Variants in UNC80 observed in about 807,000 individuals in gnomAD.
UNC80 encodes the protein unc-80 subunit of NALCN channel complex, also known as protein unc-80 homolog.
UNC80 carries 164 observed loss-of-function variants against 384.6 expected under a neutral mutation model. That is an observed-to-expected ratio of 0.43 (90% CI 0.38 to 0.49). The LOEUF is 0.49. UNC80 is among the 20% of genes least tolerant of loss of function. UNC80 has a pLI of 0.00. For missense variants in UNC80, 3,330 were observed against 4,143.0 expected (o/e 0.80, Z 5.39); for synonymous variants, 1,486 against 1,527.8 (o/e 0.97, Z 0.64).
At chr2:209,837,607 A>G (rs1342879911) in intron 18 of UNC80, among the ~76,000 whole-genome samples, 1 of 152,188 alleles carries the variant, frequency 6.6e-6, no homozygotes, top group East Asian at 1.9e-4. Context: ...TTTTTCATAT[A>G]ATAGTCCTCT....
chr2:209,946,397 A>G (rs2124984945), intron 47 of UNC80, among the ~76,000 whole-genome samples: 1 of 151,990 alleles, frequency 6.6e-6, no homozygotes, highest in East Asian at 1.9e-4. Context: ...GAAAGAAAAA[A>G]GAAAAGGAAA....
At chr2:209,902,510 A>T (rs1249866357) in intron 28 of UNC80, among the ~76,000 whole-genome samples, 1 of 152,210 alleles carries the variant, frequency 6.6e-6, no homozygotes, top group Admixed American at 6.5e-5. Flanking sequence ...ACCTTTCATG[A>T]AAAGAACAGT....
At chr2:209,942,443 G>A (rs973063281) in intron 44 of UNC80, among the ~76,000 whole-genome samples, 19 of 152,202 alleles carry the variant, frequency 1.2e-4, no homozygotes, top group South Asian at 2.1e-4. Context: ...GGTGTGTTGG[G>A]ATTGGAGAAG....
intron 47 of UNC80, among the ~76,000 whole-genome samples, chr2:209,951,074 A>G (rs2092155789): frequency 6.6e-6 from 1 of 151,972 alleles, no homozygotes; most frequent in Non-Finnish European, 1.5e-5. Context: ...TCAAGAGGCT[A>G]AGGTGGGAGG....
intron 38 of UNC80, among the ~76,000 whole-genome samples, chr2:209,931,601 C>T (rs1227341095): frequency 6.6e-6 from 1 of 152,124 alleles, no homozygotes; most frequent in African/African-American, 2.4e-5. Flanking sequence ...GATGACTACA[C>T]CTTGAAACTG....
At chr2:209,783,541 T>C (rs1385582658) in intron 4 of UNC80, among the ~76,000 whole-genome samples, 3 of 152,104 alleles carry the variant, frequency 2.0e-5, no homozygotes, top group Admixed American at 6.6e-5. Flanking sequence ...CTCCAGGAAA[T>C]GCACAGAAGA....
At chr2:209,990,385 G>A (rs995163857) in intron 61 of UNC80, among the ~76,000 whole-genome samples, 2 of 152,130 alleles carry the variant, frequency 1.3e-5, no homozygotes, top group Non-Finnish European at 2.9e-5. Context: ...AGCATGCTAT[G>A]TACCTCACTT....
intron 54 of UNC80, 35 bp from the exon 55 acceptor site, chr2:209,972,166 G>A (rs558072828): frequency 6.5e-7 from 1 of 1,544,872 alleles, no homozygotes; most frequent in Non-Finnish European, 8.7e-7. Flanking sequence ...GGGTGTGGTG[G>A]TCAATTAATC....
intron 23 of UNC80, among the ~76,000 whole-genome samples, chr2:209,877,065 C>G (rs2084845141): frequency 6.6e-6 from 1 of 152,158 alleles, no homozygotes; most frequent in African/African-American, 2.4e-5. Flanking sequence ...GAATTTTGCT[C>G]TTACTTAAAC....
At chr2:209,949,584 T>A (rs1207361282) in intron 47 of UNC80, among the ~76,000 whole-genome samples, 2 of 152,040 alleles carry the variant, frequency 1.3e-5, no homozygotes, top group African/African-American at 4.8e-5. Context: ...TTCAAGCAAT[T>A]CTCCTGCCTC....
intron 21 of UNC80, 123 bp downstream of exon 21, chr2:209,842,569 C>A: frequency 2.8e-6 from 2 of 707,922 alleles, no homozygotes; most frequent in Admixed American, 2.8e-5. Flanking sequence ...CTCATACATG[C>A]CTTTTACCAC....
At chr2:209,849,421 C>A (rs961942868) in intron 21 of UNC80, 30 bp from the exon 22 acceptor site, 1 of 1,548,954 alleles carries the variant, frequency 6.5e-7, no homozygotes, top group African/African-American at 1.4e-5. Context: ...CTCTCTCTTT[C>A]ATTCCTCCAC....
rs112359087 is a variant in UNC80, at chr2:209,934,839, A to G, written c.6178+834A>G. Among the ~76,000 whole-genome samples the G allele has an allele frequency of 2.9e-3, 441 of 152,356 alleles. 1 individual carries two copies. Among genetic ancestry groups the G allele is most frequent in the African/African-American group, 0.01 (423 of 41,592 alleles). On this transcript the variant is annotated intron_variant, in intron 39 of 64. Transcript: ENST00000673920. ...ATACCTGGCTCATGATAAGCATTCG[A>G]TGAATGGGAATTGTGTATGTATAGG...
At chr2:209,833,432 C>T (rs1477122266) in intron 16 of UNC80, among the ~76,000 whole-genome samples, 1 of 152,144 alleles carries the variant, frequency 6.6e-6, no homozygotes, top group Non-Finnish European at 1.5e-5. Flanking sequence ...CCCTACGTCA[C>T]CTTCAGTTTG....
At chr2:209,899,751 T>C (rs2087185076) in intron 28 of UNC80, among the ~76,000 whole-genome samples, 1 of 152,194 alleles carries the variant, frequency 6.6e-6, no homozygotes, top group African/African-American at 2.4e-5. Flanking sequence ...CTACAATTTG[T>C]GTTTCCCCAT....
intron 35 of UNC80, among the ~76,000 whole-genome samples, chr2:209,922,792 AGTTTTT>A (rs374515160): frequency 0.049 from 7,417 of 151,818 alleles, 492 homozygotes; most frequent in African/African-American, 0.15. Flanking sequence ...GTGTGTCACT[AGTTTTT>A]GTTTTTGTTT....
At chr2:209,812,107 T>G (rs986709356) in intron 7 of UNC80, among the ~76,000 whole-genome samples, 3 of 152,172 alleles carry the variant, frequency 2.0e-5, no homozygotes, top group Non-Finnish European at 4.4e-5. Flanking sequence ...TGGAGTGCAG[T>G]GGCGCTATCT....
intron 13 of UNC80, among the ~76,000 whole-genome samples, chr2:209,822,905 T>C (rs2080244014): frequency 6.6e-6 from 1 of 152,188 alleles, no homozygotes; most frequent in South Asian, 2.1e-4. Context: ...GCCACCAAGA[T>C]AGATATGTTT....
intron 61 of UNC80, among the ~76,000 whole-genome samples, chr2:209,986,219 T>G (rs147051478): frequency 6.6e-6 from 1 of 152,310 alleles, no homozygotes; most frequent in East Asian, 1.9e-4. Flanking sequence ...ATGTTTAAAA[T>G]TACATGTGTG....
Sources: allele counts gnomAD v4.1 joint callset (sites outside exome capture counted in the v4.1 genomes callset), GRCh38; gene constraint gnomAD v4.1.1; transcripts MANE v1.5; gene names NCBI Gene and HGNC (gene_info 2026-07-23, HGNC 2026-07-21).